The following EIF2AK2 variants were observed in gnomAD, a reference collection of about 807,000 sequenced individuals.
EIF2AK2 encodes eukaryotic translation initiation factor 2 alpha kinase 2.
EIF2AK2 carries 40 observed loss-of-function variants against 70.5 expected under a neutral mutation model. That is an observed-to-expected ratio of 0.57 (90% CI 0.44 to 0.74). EIF2AK2 has a LOEUF of 0.74. Ranked by LOEUF, EIF2AK2 falls within the 30% of genes least tolerant of loss-of-function variation. The probability of loss-of-function intolerance (pLI) is 0.00; values close to 1 mark genes in which losing one functional copy is unlikely to be tolerated. For synonymous variants in EIF2AK2, 198 were observed against 220.9 expected (o/e 0.90, Z 0.92); for missense variants, 555 against 644.3 (o/e 0.86, Z 1.50).
At position 37,102,694 on chromosome 2, in the gene EIF2AK2, A is replaced by G. The variant is rs931066272; in HGVS notation, c.*4579T>C. 1 of 152,226 alleles carries G rather than the reference A, an allele frequency of 6.6e-6. No homozygotes were observed. Among genetic ancestry groups the G allele is most frequent in the African/African-American group, 2.4e-5 (1 of 41,454 alleles). 9.4% of individuals were successfully genotyped at this position (152,226 alleles called of 1,614,324 possible). On this transcript the variant is annotated 3_prime_UTR_variant, in exon 17 of 17. Transcript: ENST00000233057. ...GCAGTTGCACAAGACTGTGCTTAGA[A>G]GCACCCCACACCTAATTTTTGAACG...
At chr2:37,121,244 C>T (rs1241826165) in intron 12 of EIF2AK2, among the ~76,000 whole-genome samples, 1 of 105,160 alleles carries the variant, frequency 9.5e-6, no homozygotes, top group African/African-American at 3.7e-5. Context: ...GCCTGTGCGA[C>T]AGTGCGAGAC....
At chr2:37,138,625 T>A in intron 6 of EIF2AK2, 40 bp from the exon 7 acceptor site, 1 of 1,570,170 alleles carries the variant, frequency 6.4e-7, no homozygotes, top group Middle Eastern at 1.7e-4. Context: ...TAAATACAAC[T>A]AATTATTTCT....
At chr2:37,144,691 C>A (rs1382061473) in intron 4 of EIF2AK2, among the ~76,000 whole-genome samples, 1 of 151,948 alleles carries the variant, frequency 6.6e-6, no homozygotes, top group Non-Finnish European at 1.5e-5. Context: ...ACGTGATCCT[C>A]CCGCCTAGCC....
chr2:37,133,154 C>A (rs1432952204), intron 10 of EIF2AK2, among the ~76,000 whole-genome samples: 1 of 152,152 alleles, frequency 6.6e-6, no homozygotes, highest in Non-Finnish European at 1.5e-5. Flanking sequence ...TCACCCGCAC[C>A]AGGTACTCAC....
chr2:37,144,537 G>A (rs1226019458), intron 4 of EIF2AK2, among the ~76,000 whole-genome samples: 1 of 151,924 alleles, frequency 6.6e-6, no homozygotes, highest in Non-Finnish European at 1.5e-5. Flanking sequence ...TGATCCTGAC[G>A]CTGTGTAGGC....
chr2:37,153,539 A>G (rs1675820148), intron 1 of EIF2AK2, among the ~76,000 whole-genome samples: 1 of 151,640 alleles, frequency 6.6e-6, no homozygotes, highest in African/African-American at 2.4e-5. Context: ...TGTCTCTGTA[A>G]ATTTGCCTGT....
At chr2:37,139,098 A>G (rs976648995) in intron 6 of EIF2AK2, among the ~76,000 whole-genome samples, 1 of 151,686 alleles carries the variant, frequency 6.6e-6, no homozygotes, top group African/African-American at 2.4e-5. Context: ...TGGGTGGATC[A>G]TGAGGTCAGG....
intron 14 of EIF2AK2, among the ~76,000 whole-genome samples, chr2:37,110,239 T>C (rs2148664493): frequency 6.6e-6 from 1 of 151,046 alleles, no homozygotes; most frequent in African/African-American, 2.4e-5. Flanking sequence ...CCTGGCTCAT[T>C]TTTGTAGTTT....
chr2:37,109,478 C>G, intron 14 of EIF2AK2, 183 bp from the exon 15 acceptor site: 1 of 541,632 alleles, frequency 1.8e-6, no homozygotes, highest in Non-Finnish European at 3.3e-6. Flanking sequence ...GCTGAATCCT[C>G]TGTGTAAATT....
chr2:37,100,039 A>T lies in EIF2AK2; in HGVS notation c.*7234T>A, dbSNP rs1315835350. 1 of 152,220 alleles carries T rather than the reference A, an allele frequency of 6.6e-6. No individual in the cohort carries two copies. The highest frequency in any genetic ancestry group is 1.5e-5 in the Non-Finnish European group (1 of 68,052). The allele number at this position is 152,220 out of a possible 1,614,324, so 9.4% of individuals were successfully genotyped here. ...GTTTCTTTTGGGGGTGAGAAAAATG[A>T]TAGTTGCACAACTCTGAATATAGTA... is the stretch of plus-strand genomic sequence containing the variant. On this transcript the variant is annotated 3_prime_UTR_variant, in exon 17 of 17. Transcript: ENST00000233057.
At chr2:37,125,788 T>C (rs1674708803) in intron 11 of EIF2AK2, among the ~76,000 whole-genome samples, 1 of 152,212 alleles carries the variant, frequency 6.6e-6, no homozygotes, top group Admixed American at 6.5e-5. Context: ...ATTGCTGTTT[T>C]TAAGCACTGC....
At chr2:37,138,401 T>C (rs1675203455) in intron 7 of EIF2AK2, 38 bp from the exon 8 acceptor site, 1 of 1,601,736 alleles carries the variant, frequency 6.2e-7, no homozygotes. Context: ...TTATTAATTC[T>C]GTTTTTATCA....
At chr2:37,130,196 G>T (rs1339641884) in intron 10 of EIF2AK2, among the ~76,000 whole-genome samples, 1 of 152,134 alleles carries the variant, frequency 6.6e-6, no homozygotes, top group East Asian at 1.9e-4. Flanking sequence ...CTGCCTCCCA[G>T]ATTCAAGTAA....
At chr2:37,115,365 A>AT (rs1674306320) in intron 13 of EIF2AK2, 1 of 153,132 alleles carries the variant, frequency 6.5e-6, no homozygotes, top group Non-Finnish European at 1.4e-5. Flanking sequence ...CCTGGACAGA[A>AT]GTAAGGATTT....
intron 13 of EIF2AK2, among the ~76,000 whole-genome samples, chr2:37,117,230 A>G (rs1674377526): frequency 6.7e-6 from 1 of 150,260 alleles, no homozygotes; most frequent in South Asian, 2.1e-4. Context: ...AAAAAAAAGA[A>G]AAAAGAAAAA....
chr2:37,143,308 A>C (rs1369762054), intron 4 of EIF2AK2, among the ~76,000 whole-genome samples: 1 of 151,862 alleles, frequency 6.6e-6, no homozygotes, highest in Non-Finnish European at 1.5e-5. Flanking sequence ...TCTGCAGTCA[A>C]GTCTTTCTTT....
At chr2:37,137,453 CA>C (rs1046061885) in intron 8 of EIF2AK2, among the ~76,000 whole-genome samples, 2 of 152,200 alleles carry the variant, frequency 1.3e-5, no homozygotes, top group East Asian at 3.9e-4. Context: ...CTTATGTGCA[CA>C]AAAAAATTGT....
intron 10 of EIF2AK2, among the ~76,000 whole-genome samples, chr2:37,126,772 C>A (rs1674743805): frequency 6.6e-6 from 1 of 151,938 alleles, no homozygotes; most frequent in African/African-American, 2.4e-5. Flanking sequence ...GCCTGGCCAA[C>A]ATGGTGAAAC....
At chr2:37,138,386 T>C in intron 7 of EIF2AK2, 23 bp from the exon 8 acceptor site, 2 of 1,606,032 alleles carry the variant, frequency 1.2e-6, no homozygotes, top group South Asian at 2.2e-5. Context: ...GGTGTAACTA[T>C]TAGTTTATTA....
Sources: gnomAD v4.1 joint callset for allele counts (sites outside exome capture counted in the v4.1 genomes callset) on GRCh38, gnomAD v4.1.1 for gene constraint, MANE v1.5 for transcripts, NCBI Gene and HGNC (gene_info 2026-07-23, HGNC 2026-07-21) for gene names.